RAB11FIP4: variants seen among roughly 807,000 people sequenced by gnomAD.
RAB11FIP4 encodes rab11 family-interacting protein 4.
A neutral mutation model predicts 74.3 loss-of-function variants in RAB11FIP4; 23 were observed. That is an observed-to-expected ratio of 0.31 (90% CI 0.22 to 0.44). The LOEUF (loss-of-function observed/expected upper bound fraction) is 0.44. RAB11FIP4 is among the 20% of genes least tolerant of loss of function. The pLI, the probability that RAB11FIP4 is intolerant of heterozygous loss-of-function variation, is 1.00. For missense variants in RAB11FIP4, 630 were observed against 863.9 expected (o/e 0.73, Z 3.39); for synonymous variants, 360 against 359.9 (o/e 1.00, Z 0.00).
At chr17:31,449,215 TC>T (rs2071500058) in intron 3 of RAB11FIP4, among the ~76,000 whole-genome samples, 2 of 151,992 alleles carry the variant, frequency 1.3e-5, no homozygotes, top group African/African-American at 4.8e-5. Flanking sequence ...TGCCCTCCAA[TC>T]CCAGCTCCTC....
At chr17:31,433,803 GGAA>G (rs1454201255) in intron 2 of RAB11FIP4, among the ~76,000 whole-genome samples, 3 of 152,188 alleles carry the variant, frequency 2.0e-5, no homozygotes, top group African/African-American at 7.2e-5. Flanking sequence ...TCTGTGTGTG[GGAA>G]TTAGTCCCAG....
chr17:31,405,818 A>G (rs2071036748), intron 1 of RAB11FIP4, among the ~76,000 whole-genome samples: 1 of 152,080 alleles, frequency 6.6e-6, no homozygotes, highest in African/African-American at 2.4e-5. Flanking sequence ...GTACCTTAAA[A>G]CCCACATCTG....
chr17:31,416,779 G>A (rs557164376), intron 1 of RAB11FIP4, among the ~76,000 whole-genome samples: 2 of 152,284 alleles, frequency 1.3e-5, no homozygotes, highest in South Asian at 4.1e-4. Flanking sequence ...AGGGTCCACT[G>A]CTGTAAGAGG....
chr17:31,481,448 AT>A (rs1308198107), intron 3 of RAB11FIP4, among the ~76,000 whole-genome samples: 2 of 152,144 alleles, frequency 1.3e-5, no homozygotes, highest in Non-Finnish European at 2.9e-5. Context: ...AGCTGAGTTA[AT>A]AGCCAATCAG....
At chr17:31,483,832 A>T (rs2071874614) in intron 3 of RAB11FIP4, among the ~76,000 whole-genome samples, 1 of 152,154 alleles carries the variant, frequency 6.6e-6, no homozygotes, top group African/African-American at 2.4e-5. Flanking sequence ...GTCGTTCCAC[A>T]TGGCCCCAAA....
chr17:31,439,033 A>C (rs907196679), intron 3 of RAB11FIP4, among the ~76,000 whole-genome samples: 3 of 152,276 alleles, frequency 2.0e-5, no homozygotes, highest in East Asian at 1.9e-4. Context: ...AAGGACCTGC[A>C]CTGAGCTTCC....
At chr17:31,482,251 C>T (rs1344429596) in intron 3 of RAB11FIP4, among the ~76,000 whole-genome samples, 3 of 151,496 alleles carry the variant, frequency 2.0e-5, no homozygotes, top group African/African-American at 7.3e-5. Context: ...TCCCCACTGG[C>T]GAGAGAGGGC....
chr17:31,458,423 C>A (rs561668573), intron 3 of RAB11FIP4, among the ~76,000 whole-genome samples: 9 of 152,202 alleles, frequency 5.9e-5, no homozygotes, highest in East Asian at 5.8e-4. Context: ...ATTCTCCCAG[C>A]CCCTTCCTGC....
chr17:31,490,452 G>T (rs759260018), intron 3 of RAB11FIP4, among the ~76,000 whole-genome samples: 7 of 152,192 alleles, frequency 4.6e-5, no homozygotes, highest in Admixed American at 6.5e-5. Flanking sequence ...GGCTCCCAAT[G>T]AAATAGCAGG....
chr17:31,487,788 C>T (rs2071924324), intron 3 of RAB11FIP4, among the ~76,000 whole-genome samples: 4 of 151,960 alleles, frequency 2.6e-5, no homozygotes, highest in Admixed American at 2.6e-4. Flanking sequence ...TCCTGGAGTC[C>T]CAGCCAGGGC....
intron 3 of RAB11FIP4, among the ~76,000 whole-genome samples, chr17:31,459,510 A>G (rs1463049356): frequency 6.6e-6 from 1 of 151,874 alleles, no homozygotes; most frequent in Non-Finnish European, 1.5e-5. Context: ...ATTATTTAAC[A>G]TGAATGGTAC....
chr17:31,446,452 G>A (rs535295431), intron 3 of RAB11FIP4, among the ~76,000 whole-genome samples: 9 of 152,230 alleles, frequency 5.9e-5, no homozygotes, highest in South Asian at 2.1e-4. Flanking sequence ...CCAGGAACAC[G>A]CCATGGGCCA....
rs548784575 is a variant in RAB11FIP4 at position 31,438,827 on chromosome 17, A to C, written c.336+4705A>C. ...ACGTCTACTCACCTTTTTAAGACTT[A>C]CTTGCCGGGAGTGGTGGCTCATGCC... On this transcript the variant is annotated intron_variant, in intron 3 of 14. Coordinates refer to ENST00000621161, the MANE Select transcript of RAB11FIP4 (RefSeq NM_032932.6). Among the ~76,000 whole-genome samples, 3 of 152,264 alleles carry C rather than the reference A, an allele frequency of 2.0e-5. No individual in the cohort carries two copies. The South Asian group carries it at 6.2e-4, about 32-fold the overall frequency.
Position 31,535,965 on chromosome 17 carries a change from G to C in RAB11FIP4, c.*4233G>C, listed in dbSNP as rs1195926185. On this transcript the variant is annotated 3_prime_UTR_variant, in exon 15 of 15. Transcript: ENST00000621161. The stretch of plus-strand genomic sequence containing the variant: ...GGGAGTCCCAGCTCGTTCCCTGTTA[G>C]CCAAACCAGCATCCTACTCACACAC... 1 of 140,658 alleles carries C rather than the reference G, an allele frequency of 7.1e-6. No individual in the cohort carries two copies. Among genetic ancestry groups the C allele is most frequent in the Non-Finnish European group, 1.5e-5 (1 of 65,398 alleles). 8.7% of individuals were successfully genotyped at this position (140,658 alleles called of 1,614,324 possible). A position where few individuals can be genotyped will look rare whatever the true frequency, so the allele number is the denominator to read the frequency against.
rs2072993010 is a variant in RAB11FIP4, at chr17:31,537,843, C to A, written c.*6111C>A. 6.5e-6 allele frequency: 1 copy of A among 152,880 alleles called. No individual in the cohort carries two copies. The highest frequency in any genetic ancestry group is 1.5e-5 in the Non-Finnish European group (1 of 68,222). 9.5% of individuals were successfully genotyped at this position (152,880 alleles called of 1,614,324 possible). A position where few individuals can be genotyped will look rare whatever the true frequency, so the allele number is the denominator to read the frequency against. The stretch of plus-strand genomic sequence containing the variant: ...ACGGTGCATTGCCAAGGACTCACAG[C>A]TGTGGGCTCCCTTCCAGCTCCTCCC... On this transcript the variant is annotated 3_prime_UTR_variant, in exon 15 of 15. Transcript: ENST00000621161.
At chr17:31,422,292 T>A (rs1356359459) in intron 1 of RAB11FIP4, among the ~76,000 whole-genome samples, 1 of 152,244 alleles carries the variant, frequency 6.6e-6, no homozygotes, top group Admixed American at 6.5e-5. Flanking sequence ...CTGCTATTCT[T>A]GGGTGGTGTG....
chr17:31,441,959 A>C (rs1226872870), intron 3 of RAB11FIP4, among the ~76,000 whole-genome samples: 1 of 152,132 alleles, frequency 6.6e-6, no homozygotes, highest in Non-Finnish European at 1.5e-5. Context: ...ACATGAAGAC[A>C]ACCAAATTTA....
At chr17:31,448,954 C>G (rs377036204) in intron 3 of RAB11FIP4, among the ~76,000 whole-genome samples, 1 of 152,090 alleles carries the variant, frequency 6.6e-6, no homozygotes, top group East Asian at 1.9e-4. Flanking sequence ...GCCTGATTTT[C>G]AGTGTTGTGG....
At chr17:31,459,347 C>T (rs1025786019) in intron 3 of RAB11FIP4, among the ~76,000 whole-genome samples, 1 of 152,118 alleles carries the variant, frequency 6.6e-6, no homozygotes, top group Admixed American at 6.6e-5. Context: ...ATCACTTATT[C>T]TCATTTATAA....
Sources: allele counts gnomAD v4.1 joint callset (sites outside exome capture counted in the v4.1 genomes callset), GRCh38; gene constraint gnomAD v4.1.1; transcripts MANE v1.5; gene names NCBI Gene and HGNC (gene_info 2026-07-23, HGNC 2026-07-21).